Variants in RFX2 observed in about 807,000 individuals in gnomAD.
RFX2 encodes DNA-binding protein RFX2.
Under a neutral mutation model 87.8 loss-of-function variants are expected in RFX2, and 20 were observed. The ratio of observed to expected loss-of-function variants is 0.23; its 90% CI spans 0.16 to 0.33. The LOEUF (loss-of-function observed/expected upper bound fraction) is 0.33. Ranked by LOEUF, RFX2 falls within the 10% of genes least tolerant of loss-of-function variation. The pLI, the probability that RFX2 is intolerant of heterozygous loss-of-function variation, is 1.00. For missense variants in RFX2, 767 were observed against 1,012.3 expected (o/e 0.76, Z 3.29); for synonymous variants, 397 against 431.3 (o/e 0.92, Z 0.98).
At position 6,017,717 on chromosome 19, in the gene RFX2, G is replaced by A. The variant is rs112775066; in HGVS notation, c.598-1446C>T. Among the ~76,000 whole-genome samples, 2 of 152,274 alleles carry A rather than the reference G, an allele frequency of 1.3e-5. No individual in the cohort carries two copies. The highest frequency in any genetic ancestry group is 2.9e-5 in the Non-Finnish European group (2 of 68,026). ...CTGCCTGGGCCCTTCAGAGTGGGCAGTGCTGGGTCCTCAGCCCTCCCCCAC... is the reference window on the plus strand; with the variant it reads ...CTGCCTGGGCCCTTCAGAGTGGGCAATGCTGGGTCCTCAGCCCTCCCCCAC... On this transcript the variant is annotated intron_variant, in intron 6 of 17. Coordinates refer to ENST00000303657, the MANE Select transcript of RFX2 (RefSeq NM_000635.4). The surrounding 1 kb of genome is among the most constrained non-coding windows in gnomAD (Gnocchi z 4.1).
intron 5 of RFX2, among the ~76,000 whole-genome samples, chr19:6,028,997 T>G (rs2086922914): frequency 6.6e-6 from 1 of 151,582 alleles, no homozygotes; most frequent in Non-Finnish European, 1.5e-5. Context: ...AAGGATCGCT[T>G]GAATCCGGGA....
chr19:6,091,031 G>T (rs1474516706), intron 1 of RFX2, among the ~76,000 whole-genome samples: 1 of 152,222 alleles, frequency 6.6e-6, no homozygotes, highest in African/African-American at 2.4e-5. Context: ...AGCAGACTTG[G>T]TGTTTGCCAG....
At position 6,001,284 on chromosome 19, in the gene RFX2, A is replaced by G. The variant is rs1430019603; in HGVS notation, c.1859+531T>C. Among the ~76,000 whole-genome samples, 1 of 151,912 alleles carries G rather than the reference A, an allele frequency of 6.6e-6. No individual in the cohort carries two copies. Among genetic ancestry groups the G allele is most frequent in the African/African-American group, 2.4e-5 (1 of 41,328 alleles). ...AGATAGCTTTGTTCCCCCCTTAGAG[A>G]TGGGGTCTTGCTCTGTCACTCAGGC... On this transcript the variant is annotated intron_variant, in intron 15 of 17. Coordinates refer to ENST00000303657, the MANE Select transcript of RFX2 (RefSeq NM_000635.4). The surrounding 1 kb of genome is among the most constrained non-coding windows in gnomAD (Gnocchi z 5.6).
chr19:6,043,246 G>C (rs1469403527), intron 3 of RFX2, among the ~76,000 whole-genome samples: 1 of 152,206 alleles, frequency 6.6e-6, no homozygotes, highest in Non-Finnish European at 1.5e-5. Context: ...GGAGTGCCTT[G>C]ACAGACAGCA....
In RFX2 at chr19:6,023,715, T is replaced by C. The variant is rs2086850550; in HGVS notation, c.597+2448A>G. The stretch of plus-strand genomic sequence containing the variant: ...GAGAAAGTCTGCCTTTCGGATGAAG[T>C]GTTAGAAAGCAGGAAGGATCCCAGC... On this transcript the variant is annotated intron_variant, in intron 6 of 17. Coordinates refer to ENST00000303657, the MANE Select transcript of RFX2 (RefSeq NM_000635.4). This position sits in a 1 kb window ranked among gnomAD's most constrained non-coding sequence, Gnocchi z 4.9. Among the ~76,000 whole-genome samples, 1 of 151,866 alleles carries C rather than the reference T, an allele frequency of 6.6e-6. No homozygotes were observed. The highest frequency in any genetic ancestry group is 2.1e-4 in the South Asian group (1 of 4,808).
Position 6,022,620 on chromosome 19 carries a change from C to A in RFX2, c.597+3543G>T, listed in dbSNP as rs1390105804. Among the ~76,000 whole-genome samples the A allele has an allele frequency of 2.6e-5, 4 of 152,210 alleles. No homozygotes were observed. The highest frequency in any genetic ancestry group is 5.9e-5 in the Non-Finnish European group (4 of 68,034). ...CGGTCGGGTGAAGACATGTTTCATC[C>A]CCAGCCCCGGCTCCGTCCCCTTCCC... On this transcript the variant is annotated intron_variant, in intron 6 of 17. Transcript: ENST00000303657. The surrounding 1 kb of genome is among the most constrained non-coding windows in gnomAD (Gnocchi z 6.2).
Position 6,007,080 on chromosome 19 carries a change from C to G in RFX2, c.1334G>C (p.Ser445Thr). ...QCDPILRWMR[S>T]CDHILYQALV... Reference sequence around the variant, plus strand: ...CGCCTGGTAGAGGATGTGGTCGCAGCTCCTCATCCACCTGAGGATGGGGTC... The same window carrying G: ...CGCCTGGTAGAGGATGTGGTCGCAGGTCCTCATCCACCTGAGGATGGGGTC... The change falls in exon 12 of 18, where the codon AGC (serine) becomes ACC (threonine). Residue 445 changes from serine (S) to threonine (T), a missense_variant. By Grantham distance (58) the Ser-to-Thr change is moderately conservative. Transcript: ENST00000303657. This position sits in a 1 kb window ranked among gnomAD's most constrained non-coding sequence, Gnocchi z 8.2. The G allele has an allele frequency of 6.2e-7, 1 of 1,614,082 alleles. No homozygotes were observed.
intron 1 of RFX2, among the ~76,000 whole-genome samples, chr19:6,067,239 G>A (rs2087527599): frequency 6.6e-6 from 1 of 152,136 alleles, no homozygotes. Flanking sequence ...AATGAATCAT[G>A]GATTAAGCTA....
chr19:6,065,174 G>C (rs1599897589), intron 1 of RFX2, among the ~76,000 whole-genome samples: 1 of 152,284 alleles, frequency 6.6e-6, no homozygotes, highest in South Asian at 2.1e-4. Flanking sequence ...ATCTTTTTAA[G>C]TATATAGTGG....
At chr19:6,070,658 GC>G (rs1345785879) in intron 1 of RFX2, among the ~76,000 whole-genome samples, 14 of 152,184 alleles carry the variant, frequency 9.2e-5, no homozygotes, top group Admixed American at 3.9e-4. Context: ...CCTGACAGAA[GC>G]CCCACTCCTC....
In RFX2 at chr19:6,027,423, A is replaced by C. The variant is rs1290916507; in HGVS notation, c.523-1186T>G. The C allele has an allele frequency of 6.6e-6, 1 of 152,312 alleles. No individual in the cohort carries two copies. Among genetic ancestry groups the C allele is most frequent in the African/African-American group, 2.4e-5 (1 of 41,462 alleles). The allele number at this position is 152,312 out of a possible 1,614,324, so 9.4% of individuals were successfully genotyped here. On this transcript the variant is annotated intron_variant, in intron 5 of 17. Transcript: ENST00000303657. This position sits in a 1 kb window ranked among gnomAD's most constrained non-coding sequence, Gnocchi z 5.0. ...ACCCATCAGCCTCAGGGTGCAGGCGATGAGAAGGCAATCGCCACCTCTATG... is the reference window on the plus strand; with the variant it reads ...ACCCATCAGCCTCAGGGTGCAGGCGCTGAGAAGGCAATCGCCACCTCTATG...
chr19:6,107,884 A>T (rs954817854), intron 1 of RFX2, among the ~76,000 whole-genome samples: 1 of 152,190 alleles, frequency 6.6e-6, no homozygotes, highest in Non-Finnish European at 1.5e-5. Context: ...CATACACATT[A>T]TATTATATTG....
At chr19:6,067,004 A>C (rs965569759) in intron 1 of RFX2, among the ~76,000 whole-genome samples, 3 of 152,248 alleles carry the variant, frequency 2.0e-5, no homozygotes, top group African/African-American at 7.2e-5. Context: ...TCTCTTCTCT[A>C]TAGTAACTGA....
At chr19:6,049,407 C>T (rs1460666914) in intron 1 of RFX2, among the ~76,000 whole-genome samples, 2 of 152,204 alleles carry the variant, frequency 1.3e-5, no homozygotes, top group South Asian at 2.1e-4. Flanking sequence ...AAGAAGAGGC[C>T]ATGAGAGTGT....
chr19:6,001,183 G>A lies in RFX2; in HGVS notation c.1859+632C>T, dbSNP rs530106023. Among the ~76,000 whole-genome samples, 3 of 152,136 alleles carry A rather than the reference G, an allele frequency of 2.0e-5. No homozygotes were observed. The highest frequency in any genetic ancestry group is 4.4e-5 in the Non-Finnish European group (3 of 68,020). On this transcript the variant is annotated intron_variant, in intron 15 of 17. Coordinates refer to ENST00000303657, the MANE Select transcript of RFX2 (RefSeq NM_000635.4). This position sits in a 1 kb window ranked among gnomAD's most constrained non-coding sequence, Gnocchi z 5.6. ...ATCCCCAGCCTGTTTCTTTCTCTCT[G>A]GAAGCTTTTATGGTTGTTTCTCAAA...
In RFX2 at chr19:6,038,328, G is replaced by GAT. The variant is rs1172525435; in HGVS notation, c.522+1651_522+1652insAT. 8.2e-5 allele frequency among the ~76,000 whole-genome samples: 5 copies of GAT among 61,098 alleles called. No individual in the cohort carries two copies. In the East Asian group the frequency reaches 2.5e-3, roughly 30 times the overall value. 40.1% of individuals were successfully genotyped at this position (61,098 alleles called of 152,430 possible). On this transcript the variant is annotated intron_variant, in intron 5 of 17. Coordinates refer to ENST00000303657, the MANE Select transcript of RFX2 (RefSeq NM_000635.4). ...AGTCACAGAGCAAGACTCCGTCTCA[G>GAT]AAAAAAAAAAAAAAAAAAAAAAAAC...
At chr19:6,096,667 C>T (rs1028479418) in intron 1 of RFX2, among the ~76,000 whole-genome samples, 1 of 152,274 alleles carries the variant, frequency 6.6e-6, no homozygotes, top group South Asian at 2.1e-4. Flanking sequence ...AGGATGGTCT[C>T]GATCTCCTGA....
chr19:6,095,711 G>A (rs963048883), intron 1 of RFX2, among the ~76,000 whole-genome samples: 1 of 152,122 alleles, frequency 6.6e-6, no homozygotes, highest in African/African-American at 2.4e-5. Context: ...GAAAGTCTAC[G>A]AATGCGAGTC....
chr19:5,997,288 A>G lies in RFX2; in HGVS notation c.1860-75T>C, dbSNP rs2086426604. 2.1e-6 allele frequency: 3 copies of G among 1,443,868 alleles called. No individual in the cohort carries two copies. Among genetic ancestry groups the G allele is most frequent in the Middle Eastern group, 2.1e-4 (1 of 4,852 alleles). The allele number at this position is 1,443,868 out of a possible 1,614,324, so 89.4% of individuals were successfully genotyped here. A position where few individuals can be genotyped will look rare whatever the true frequency, so the allele number is the denominator to read the frequency against. ...CGGGCCCCAGGCCAGACTTCATGGC[A>G]GCAACACACCCCCTGCTCTACGTTC... On this transcript the variant is annotated intron_variant, in intron 15 of 17. Transcript: ENST00000303657. This position sits in a 1 kb window ranked among gnomAD's most constrained non-coding sequence, Gnocchi z 4.2.
Sources: gnomAD v4.1 joint callset for allele counts (sites outside exome capture counted in the v4.1 genomes callset) on GRCh38, gnomAD v4.1.1 for gene constraint, Gnocchi (gnomAD v3.1) non-coding constraint, MANE v1.5 for transcripts, NCBI Gene and HGNC (gene_info 2026-07-23, HGNC 2026-07-21) for gene names.